The following UQCC6 variants were observed in gnomAD, a reference collection of about 807,000 sequenced individuals.
UQCC6 encodes ubiquinol-cytochrome c reductase complex assembly factor 6, also known as protein BRAWNIN.
At chr12:103,964,508 G>A in the UQCC6 span, among the ~76,000 whole-genome samples, 1 of 152,208 alleles carries the variant, frequency 6.6e-6, no homozygotes, top group Non-Finnish European at 1.5e-5. Context: ...ACCCAGCACA[G>A]CAACCCACAG....
chr12:103,961,021 T>C, the UQCC6 span, among the ~76,000 whole-genome samples: 34,337 of 151,930 alleles, frequency 0.23, 4,077 homozygotes, highest in East Asian at 0.31. Flanking sequence ...CCAGAAAGCA[T>C]TGTTATCATA....
chr12:103,955,604 C>T, the UQCC6 span: 6 of 375,238 alleles, frequency 1.6e-5, no homozygotes, highest in South Asian at 1.3e-4. Flanking sequence ...TGCACTCCAA[C>T]CTGGGCAACA....
chr12:103,951,559 G>GT, the UQCC6 span: 8 of 1,548,760 alleles, frequency 5.2e-6, no homozygotes, highest in Non-Finnish European at 6.1e-6. Flanking sequence ...CTTGAGGTTT[G>GT]TGTTTTCTTT....
chr12:103,957,772 C>T, the UQCC6 span, among the ~76,000 whole-genome samples: 2 of 151,542 alleles, frequency 1.3e-5, no homozygotes, highest in East Asian at 3.9e-4. Context: ...GGGGCGGTGG[C>T]TTACGCCTGT....
At chr12:103,964,741 A>G in the UQCC6 span, among the ~76,000 whole-genome samples, 1 of 152,194 alleles carries the variant, frequency 6.6e-6, no homozygotes, top group Admixed American at 6.5e-5. Context: ...ATCAGAGAGG[A>G]TGGGCTTTTT....
At chr12:103,954,705 A>C in the UQCC6 span, 3 of 483,244 alleles carry the variant, frequency 6.2e-6, no homozygotes, top group Middle Eastern at 4.5e-4. Context: ...AGAAGTAGTA[A>C]AGGATATTCA....
the UQCC6 span, chr12:103,950,930 T>G: frequency 6.6e-6 from 1 of 152,250 alleles, no homozygotes; most frequent in Non-Finnish European, 1.5e-5. Flanking sequence ...TTCATTCACG[T>G]GGTCCACTGG....
chr12:103,951,385 A>G, the UQCC6 span: 4 of 511,192 alleles, frequency 7.8e-6, no homozygotes, highest in East Asian at 3.1e-5. Context: ...TTAAATTTCA[A>G]CGTATCGGCT....
At chr12:103,955,774 A>G in the UQCC6 span, 25 of 455,920 alleles carry the variant, frequency 5.5e-5, no homozygotes, top group Non-Finnish European at 1.0e-4. Flanking sequence ...ATTCACACCT[A>G]TAGCATAACA....
At chr12:103,957,213 T>G in the UQCC6 span, 1 of 152,468 alleles carries the variant, frequency 6.6e-6, no homozygotes, top group Non-Finnish European at 1.5e-5. Flanking sequence ...GGACCCAAAA[T>G]ACAGGGACCC....
the UQCC6 span, among the ~76,000 whole-genome samples, chr12:103,958,554 C>T: frequency 6.6e-6 from 1 of 151,950 alleles, no homozygotes; most frequent in African/African-American, 2.4e-5. Context: ...AGAATTATAC[C>T]GTATGTACTA....
the UQCC6 span, among the ~76,000 whole-genome samples, chr12:103,959,172 G>A: frequency 2.0e-5 from 3 of 152,136 alleles, no homozygotes; most frequent in Admixed American, 6.5e-5. Flanking sequence ...CCATTCCTTT[G>A]GAGCTGGTGT....
At chr12:103,953,325 T>A in the UQCC6 span, 8 of 700,310 alleles carry the variant, frequency 1.1e-5, no homozygotes, top group Non-Finnish European at 2.1e-5. Context: ...GAGAGAGGAA[T>A]TAAGGATGAC....
the UQCC6 span, among the ~76,000 whole-genome samples, chr12:103,960,753 C>G: frequency 6.6e-6 from 1 of 152,132 alleles, no homozygotes; most frequent in Admixed American, 6.5e-5. Flanking sequence ...TGAAAAAATC[C>G]TATAGCCTAA....
the UQCC6 span, among the ~76,000 whole-genome samples, chr12:103,953,223 C>T: frequency 2.6e-5 from 4 of 152,256 alleles, no homozygotes; most frequent in Admixed American, 2.6e-4. Flanking sequence ...GTGGATTGAA[C>T]TGGGTAGTAG....
chr12:103,951,872 T>C, the UQCC6 span, among the ~76,000 whole-genome samples: 1 of 152,218 alleles, frequency 6.6e-6, no homozygotes, highest in Non-Finnish European at 1.5e-5. Flanking sequence ...TCACAAAGGA[T>C]AGCTGGCATC....
the UQCC6 span, among the ~76,000 whole-genome samples, chr12:103,964,321 T>C: frequency 6.6e-6 from 1 of 152,006 alleles, no homozygotes; most frequent in Admixed American, 6.6e-5. Context: ...TTTCGACATG[T>C]TGGCCAGGTG....
the UQCC6 span, among the ~76,000 whole-genome samples, chr12:103,963,203 A>G: frequency 6.6e-6 from 1 of 151,700 alleles, no homozygotes; most frequent in African/African-American, 2.4e-5. Context: ...CCTCCTGAGT[A>G]GCTGGGACTA....
chr12:103,962,454 T>C, the UQCC6 span, among the ~76,000 whole-genome samples: 1 of 152,184 alleles, frequency 6.6e-6, no homozygotes, highest in Non-Finnish European at 1.5e-5. Flanking sequence ...TTTTTTTATA[T>C]GGTGTGAGGC....
Sources: gnomAD v4.1 joint callset for allele counts (sites outside exome capture counted in the v4.1 genomes callset) on GRCh38, gnomAD v4.1.1 for gene constraint, MANE v1.5 for transcripts, NCBI Gene and HGNC (gene_info 2026-07-23, HGNC 2026-07-21) for gene names.